TBL1X: variants seen among roughly 807,000 people sequenced by gnomAD.
TBL1X encodes the protein transducin beta like 1 X-linked.
A neutral mutation model predicts 50.7 loss-of-function variants in TBL1X; 10 were observed. The ratio of observed to expected loss-of-function variants is 0.20; its 90% confidence interval spans 0.12 to 0.33. The LOEUF (loss-of-function observed/expected upper bound fraction) is 0.33, where lower values mean the gene tolerates loss of function less well. TBL1X is among the 10% of genes least tolerant of loss of function. The probability of loss-of-function intolerance (pLI) is 1.00; values close to 1 mark genes in which losing one functional copy is unlikely to be tolerated. For missense variants in TBL1X, 340 were observed against 504.4 expected (o/e 0.67, Z 3.12); for synonymous variants, 190 against 214.7 (o/e 0.88, Z 1.01).
intron 2 of TBL1X, among the ~76,000 whole-genome samples, chrX:9,616,343 A>AT (rs1424684039): frequency 8.9e-6 from 1 of 112,343 alleles, no homozygotes; most frequent in Non-Finnish European, 1.9e-5. Context: ...TTTTAGAGAA[A>AT]TATGTAAAGC....
In TBL1X at chrX:9,528,895, C is replaced by T. The variant is rs765620713; in HGVS notation, c.-131+27046C>T. On this transcript the variant is annotated intron_variant, in intron 2 of 17. Transcript: ENST00000645353. ...GCCTGGCTTTGGGTGAGGGTGGCAG[C>T]TGGAGATGGGGGGAAGCCCTGAACG... Among the ~76,000 whole-genome samples the T allele has an allele frequency of 1.0e-3, 110 of 110,001 alleles. 1 individual carries two copies. Among genetic ancestry groups the T allele is most frequent in the Non-Finnish European group, 2.0e-3 (106 of 52,655 alleles).
intron 5 of TBL1X, among the ~76,000 whole-genome samples, chrX:9,682,113 A>G (rs2083028898): frequency 8.9e-6 from 1 of 112,716 alleles, no homozygotes; most frequent in South Asian, 3.7e-4. Context: ...CCTCAATGAT[A>G]AAAGCTTGCA....
intron 9 of TBL1X, among the ~76,000 whole-genome samples, chrX:9,692,848 C>A (rs1025907574): frequency 1.1e-4 from 12 of 112,364 alleles, no homozygotes. Context: ...GCTGGGAGCC[C>A]CAAGGTAGTT....
intron 1 of TBL1X, among the ~76,000 whole-genome samples, chrX:9,491,873 G>A (rs915121406): frequency 9.0e-6 from 1 of 111,394 alleles, no homozygotes; most frequent in African/African-American, 3.3e-5. Flanking sequence ...ATTGCTTGCT[G>A]ATAGGACAAC....
intron 2 of TBL1X, among the ~76,000 whole-genome samples, chrX:9,561,027 C>T (rs1031682944): frequency 9.0e-6 from 1 of 111,698 alleles, no homozygotes; most frequent in Non-Finnish European, 1.9e-5. Context: ...GGAGGGGGCA[C>T]AGTCACCCGC....
rs144100180 is a variant in TBL1X, at chrX:9,603,974, C to T, written c.-130-36299C>T. On this transcript the variant is annotated intron_variant, in intron 2 of 17. Transcript: ENST00000645353. ...CATGTTAGATTATGGCTCCACCCTG[C>T]TGCGATTTGACCTCATTTTACTTTA... 6.5e-3 allele frequency among the ~76,000 whole-genome samples: 723 copies of T among 111,792 alleles called. 2 individuals carry two copies. The highest frequency in any genetic ancestry group is 0.032 in the Middle Eastern group (7 of 219).
chrX:9,554,630 A>G (rs1302015440), intron 2 of TBL1X, among the ~76,000 whole-genome samples: 2 of 112,467 alleles, frequency 1.8e-5, no homozygotes, highest in Non-Finnish European at 3.8e-5. Context: ...GAAGTAGTCT[A>G]GTTTTCTGGT....
At chrX:9,651,003 C>T (rs1376768494) in intron 3 of TBL1X, among the ~76,000 whole-genome samples, 1 of 85,927 alleles carries the variant, frequency 1.2e-5, no homozygotes, top group Non-Finnish European at 2.2e-5. Context: ...GGATTTGTAG[C>T]TGCCAGCCTT....
chrX:9,590,625 A>ATG (rs1322869542), intron 2 of TBL1X, among the ~76,000 whole-genome samples: 2 of 112,386 alleles, frequency 1.8e-5, no homozygotes, highest in Non-Finnish European at 3.8e-5. Context: ...TTTTTAGGAA[A>ATG]TTTGTGGTGC....
chrX:9,524,838 A>G (rs1311155991), intron 2 of TBL1X, among the ~76,000 whole-genome samples: 1 of 111,752 alleles, frequency 8.9e-6, no homozygotes, highest in Non-Finnish European at 1.9e-5. Context: ...TGTAGCCTTG[A>G]TCTCCTGGGC....
At chrX:9,632,335 A>C (rs933256505) in intron 2 of TBL1X, among the ~76,000 whole-genome samples, 1 of 111,723 alleles carries the variant, frequency 9.0e-6, no homozygotes, top group Non-Finnish European at 1.9e-5. Flanking sequence ...GCTGGAGTGC[A>C]GTGGCCGCGA....
chrX:9,538,834 A>G (rs972783076), intron 2 of TBL1X, among the ~76,000 whole-genome samples: 1 of 112,849 alleles, frequency 8.9e-6, no homozygotes, highest in African/African-American at 3.2e-5. Flanking sequence ...GAAAGGTTGC[A>G]TGGCCCAGTG....
chrX:9,683,241 C>T (rs984840664), intron 5 of TBL1X, among the ~76,000 whole-genome samples: 1 of 111,805 alleles, frequency 8.9e-6, no homozygotes, highest in Admixed American at 9.5e-5. Context: ...TTGAAGCAGG[C>T]GCCATCCACA....
intron 7 of TBL1X, among the ~76,000 whole-genome samples, chrX:9,689,393 T>C (rs1170743201): frequency 8.9e-6 from 1 of 112,361 alleles, no homozygotes; most frequent in African/African-American, 3.2e-5. Flanking sequence ...CAGCATTTAA[T>C]GGAAGGTTCA....
At chrX:9,658,041 C>T (rs1157134794) in intron 5 of TBL1X, among the ~76,000 whole-genome samples, 1 of 111,184 alleles carries the variant, frequency 9.0e-6, no homozygotes, top group African/African-American at 3.3e-5. Context: ...ATAGGTCTCA[C>T]GAGACCTGAT....
At position 9,684,053 on chromosome X, in the gene TBL1X, C is replaced by T; in HGVS notation, c.222C>T (p.His74=). Residue 74 remains histidine, a synonymous_variant, in exon 6 of 18, where the codon CAC becomes CAT. Coordinates refer to ENST00000645353, the MANE Select transcript of TBL1X (RefSeq NM_005647.4). ...CCCCTCTTGCCACAGGTTTTTCCCA[C>T]TCGGCTTTCACGTTTGGGATTGAGA... ...YRYLQESGFS[H]SAFTFGIESH... is the part of the protein sequence containing the mutation. The T allele has an allele frequency of 2.5e-6, 3 of 1,211,990 alleles. No individual in the cohort carries two copies. Among genetic ancestry groups the T allele is most frequent in the South Asian group, 3.5e-5 (2 of 56,998 alleles).
At chrX:9,610,728 T>C (rs1212909201) in intron 2 of TBL1X, among the ~76,000 whole-genome samples, 1 of 112,507 alleles carries the variant, frequency 8.9e-6, no homozygotes, top group Admixed American at 9.4e-5. Flanking sequence ...TTTCTGTTTT[T>C]CTTTTTCCCT....
At chrX:9,557,168 AT>A (rs1204786210) in intron 2 of TBL1X, among the ~76,000 whole-genome samples, 1 of 111,774 alleles carries the variant, frequency 8.9e-6, no homozygotes, top group Non-Finnish European at 1.9e-5. Flanking sequence ...TGGTCAAAGT[AT>A]CCTGTAGGAT....
chrX:9,547,855 C>T (rs1320942646), intron 2 of TBL1X, among the ~76,000 whole-genome samples: 3 of 101,469 alleles, frequency 3.0e-5, no homozygotes, highest in East Asian at 6.2e-4. Context: ...TGCTTTCACA[C>T]TGTCCCTCCC....
Sources: gnomAD v4.1 joint callset for allele counts (sites outside exome capture counted in the v4.1 genomes callset) on GRCh38, gnomAD v4.1.1 for gene constraint, MANE v1.5 for transcripts, NCBI Gene and HGNC (gene_info 2026-07-23, HGNC 2026-07-21) for gene names.